NXPH1: variants seen among roughly 807,000 people sequenced by gnomAD.
NXPH1 encodes neurexophilin 1, also known as neurexophilin-1.
In NXPH1, 5 loss-of-function variants were observed where a neutral mutation model predicts 23.7. The ratio of observed to expected loss-of-function variants is 0.21; its 90% CI spans 0.11 to 0.44. NXPH1 has a LOEUF of 0.44. NXPH1 is among the 20% of genes least tolerant of loss of function. NXPH1 has a pLI of 0.99. For missense variants in NXPH1, 324 were observed against 321.6 expected, an observed-to-expected ratio of 1.01 and a Z score of -0.06; for synonymous variants, 144 against 122.2, an observed-to-expected ratio of 1.18 and a Z score of -1.18.
chr7:8,738,214 A>C (rs1780295424), intron 2 of NXPH1, among the ~76,000 whole-genome samples: 1 of 152,178 alleles, frequency 6.6e-6, no homozygotes, highest in Admixed American at 6.5e-5. Context: ...GAGAAGAGGC[A>C]TTCTGGATTT....
chr7:8,637,008 C>T (rs1318670317), intron 2 of NXPH1, among the ~76,000 whole-genome samples: 1 of 152,024 alleles, frequency 6.6e-6, no homozygotes, highest in East Asian at 1.9e-4. Context: ...CTAGCTTCAT[C>T]TCCTTGAGAG....
At chr7:8,453,345 A>C (rs939836929) in intron 2 of NXPH1, among the ~76,000 whole-genome samples, 2 of 152,104 alleles carry the variant, frequency 1.3e-5, no homozygotes, top group Admixed American at 6.5e-5. Flanking sequence ...GAGACAAAAA[A>C]CCCACCCAAA....
chr7:8,604,153 A>G (rs1819425153), intron 2 of NXPH1, among the ~76,000 whole-genome samples: 1 of 152,158 alleles, frequency 6.6e-6, no homozygotes, highest in Non-Finnish European at 1.5e-5. Context: ...GCATTTTCTA[A>G]GTCAGAATCA....
At chr7:8,723,369 T>C (rs1779999825) in intron 2 of NXPH1, among the ~76,000 whole-genome samples, 1 of 152,234 alleles carries the variant, frequency 6.6e-6, no homozygotes. Flanking sequence ...AAATGTAGAA[T>C]ATGATGCTAA....
At chr7:8,644,575 A>AT (rs112762667) in intron 2 of NXPH1, among the ~76,000 whole-genome samples, 30 of 150,154 alleles carry the variant, frequency 2.0e-4, no homozygotes, top group South Asian at 1.5e-3. Flanking sequence ...ATTTTAGACT[A>AT]TTTTTTTTTA....
intron 2 of NXPH1, among the ~76,000 whole-genome samples, chr7:8,664,937 G>A (rs1259809394): frequency 2.0e-5 from 3 of 151,936 alleles, no homozygotes; most frequent in Admixed American, 6.6e-5. Context: ...CTTATCAGGT[G>A]TGCAGTTTGC....
At chr7:8,481,187 T>G (rs1282517410) in intron 2 of NXPH1, among the ~76,000 whole-genome samples, 1 of 152,196 alleles carries the variant, frequency 6.6e-6, no homozygotes, top group Non-Finnish European at 1.5e-5. Flanking sequence ...ATGATTATAC[T>G]GGTCAACTCC....
At chr7:8,531,872 G>A (rs772442525) in intron 2 of NXPH1, among the ~76,000 whole-genome samples, 2 of 152,128 alleles carry the variant, frequency 1.3e-5, no homozygotes, top group African/African-American at 2.4e-5. Context: ...GTATTTTTCT[G>A]TGTCTCATAG....
chr7:8,440,386 C>A (rs1429797048), intron 2 of NXPH1, among the ~76,000 whole-genome samples: 4 of 152,196 alleles, frequency 2.6e-5, no homozygotes, highest in African/African-American at 9.7e-5. Context: ...TCGGAGAGAA[C>A]CAGGATTGCT....
chr7:8,702,483 A>G (rs993323841), intron 2 of NXPH1, among the ~76,000 whole-genome samples: 1 of 152,068 alleles, frequency 6.6e-6, no homozygotes, highest in Non-Finnish European at 1.5e-5. Context: ...TAGCATATCC[A>G]TGGGAGGCTA....
chr7:8,470,887 GA>G (rs1322824146), intron 2 of NXPH1, among the ~76,000 whole-genome samples: 1 of 151,844 alleles, frequency 6.6e-6, no homozygotes, highest in Non-Finnish European at 1.5e-5. Flanking sequence ...TTTTTAAGAA[GA>G]AGGAAATAGC....
At chr7:8,505,537 G>A (rs76186426) in intron 2 of NXPH1, among the ~76,000 whole-genome samples, 4,517 of 152,040 alleles carry the variant, frequency 0.03, 187 homozygotes, top group African/African-American at 0.099. Context: ...AGCAATAAAA[G>A]AAAAACAGTC....
chr7:8,620,184 C>T (rs77151481), intron 2 of NXPH1, among the ~76,000 whole-genome samples: 3,420 of 152,178 alleles, frequency 0.022, 216 homozygotes, highest in East Asian at 0.17. Flanking sequence ...ACAGTTCTAA[C>T]ATATAATGGA....
chr7:8,455,509 C>T (rs1042565575), intron 2 of NXPH1, among the ~76,000 whole-genome samples: 1 of 152,174 alleles, frequency 6.6e-6, no homozygotes, highest in African/African-American at 2.4e-5. Context: ...GCTTTATTTC[C>T]TAGCCAGGAC....
chr7:8,622,449 A>C (rs1365198571), intron 2 of NXPH1, among the ~76,000 whole-genome samples: 1 of 152,298 alleles, frequency 6.6e-6, no homozygotes, highest in South Asian at 2.1e-4. Flanking sequence ...GTGGCCAAAA[A>C]GTACATATGA....
intron 2 of NXPH1, among the ~76,000 whole-genome samples, chr7:8,739,179 A>T (rs1780317043): frequency 2.9e-5 from 3 of 103,248 alleles, no homozygotes; most frequent in African/African-American, 1.0e-4. Context: ...GGTAAAAAAA[A>T]AAAAAAAAAA....
intron 2 of NXPH1, among the ~76,000 whole-genome samples, chr7:8,602,685 T>C (rs527966140): frequency 6.6e-6 from 1 of 152,344 alleles, no homozygotes; most frequent in Middle Eastern, 3.4e-3. Flanking sequence ...ATTGTCATTC[T>C]CACAATTTGT....
intron 2 of NXPH1, among the ~76,000 whole-genome samples, chr7:8,669,562 G>C (rs1034191334): frequency 6.6e-6 from 1 of 152,162 alleles, no homozygotes; most frequent in South Asian, 2.1e-4. Context: ...TTGCCCAGCT[G>C]TGTTTTACTG....
chr7:8,623,282 A>G (rs777533224), intron 2 of NXPH1, among the ~76,000 whole-genome samples: 2 of 152,148 alleles, frequency 1.3e-5, no homozygotes, highest in African/African-American at 4.8e-5. Flanking sequence ...TTCATTTGTT[A>G]TAGAAAATAC....
Sources: allele counts gnomAD v4.1 joint callset (sites outside exome capture counted in the v4.1 genomes callset), GRCh38; gene constraint gnomAD v4.1.1; transcripts MANE v1.5; gene names NCBI Gene and HGNC (gene_info 2026-07-23, HGNC 2026-07-21).